The following CDH10 variants were observed in gnomAD, a reference collection of about 807,000 sequenced individuals.
CDH10 encodes the protein cadherin 10, also known as cadherin-10.
In CDH10, 30 loss-of-function variants were observed where a neutral mutation model predicts 73.1. The ratio of observed to expected loss-of-function variants is 0.41; its 90% CI spans 0.31 to 0.56. CDH10 has a LOEUF of 0.56. Among genes scored for constraint, CDH10 ranks in the 20% least tolerant of loss-of-function variants. CDH10 has a pLI of 0.27. For missense variants in CDH10, 815 were observed against 973.7 expected (o/e 0.84, Z 2.17); for synonymous variants, 345 against 348.2 (o/e 0.99, Z 0.10).
intron 2 of CDH10, among the ~76,000 whole-genome samples, chr5:24,549,638 G>A (rs1579793845): frequency 6.9e-6 from 1 of 145,892 alleles, no homozygotes; most frequent in South Asian, 2.2e-4. Flanking sequence ...TGCAACCTCC[G>A]CCTCCTGGGT....
chr5:24,589,894 C>T (rs1050608452), intron 2 of CDH10, among the ~76,000 whole-genome samples: 2 of 151,932 alleles, frequency 1.3e-5, no homozygotes, highest in Non-Finnish European at 2.9e-5. Flanking sequence ...GGTTTCACTA[C>T]GGAGGTAACA....
intron 2 of CDH10, among the ~76,000 whole-genome samples, chr5:24,558,460 T>C (rs1283226321): frequency 1.3e-5 from 2 of 151,726 alleles, no homozygotes; most frequent in Admixed American, 1.3e-4. Flanking sequence ...ATGAAAATCT[T>C]TTTTAAAAAT....
intron 1 of CDH10, among the ~76,000 whole-genome samples, chr5:24,624,433 T>G (rs1026797864): frequency 4.6e-5 from 7 of 152,074 alleles, no homozygotes; most frequent in African/African-American, 1.4e-4. Context: ...ATAGGAAAAT[T>G]TAATTCCCTC....
At chr5:24,631,026 T>C (rs890577997) in intron 1 of CDH10, among the ~76,000 whole-genome samples, 1 of 152,110 alleles carries the variant, frequency 6.6e-6, no homozygotes, top group East Asian at 1.9e-4. Context: ...CCTTCCTTGG[T>C]GGAAGTGGTA....
At position 24,600,605 on chromosome 5, in the gene CDH10, C is replaced by CGT. The variant is rs138388137; in HGVS notation, c.-123-6994_-123-6993dup. 1.4e-3 allele frequency among the ~76,000 whole-genome samples: 215 copies of CGT among 149,888 alleles called. 1 individual carries two copies. Among genetic ancestry groups the CGT allele is most frequent in the East Asian group, 2.4e-3 (12 of 5,102 alleles). On this transcript the variant is annotated intron_variant, in intron 1 of 11. Coordinates refer to ENST00000264463, the MANE Select transcript of CDH10 (RefSeq NM_006727.5). ...AGCAGAGCGTCGGTGTGCGTGCGTG[C>CGT]GTGTGTGTGTGTGTGTGTTCTGTAC... is the stretch of plus-strand genomic sequence containing the variant.
chr5:24,593,812 A>G (rs1172786607), intron 1 of CDH10, among the ~76,000 whole-genome samples, 199 bp from the exon 2 acceptor site: 1 of 151,946 alleles, frequency 6.6e-6, no homozygotes, highest in Non-Finnish European at 1.5e-5. Flanking sequence ...TATAATTGTA[A>G]ATGTTTATTT....
intron 1 of CDH10, among the ~76,000 whole-genome samples, chr5:24,617,867 T>C (rs1561198778): frequency 6.6e-6 from 1 of 152,182 alleles, no homozygotes; most frequent in South Asian, 2.1e-4. Flanking sequence ...TAAACCCAAT[T>C]GGTCATCTTG....
chr5:24,590,307 T>C (rs919416484), intron 2 of CDH10, among the ~76,000 whole-genome samples: 17 of 151,502 alleles, frequency 1.1e-4, no homozygotes, highest in Admixed American at 8.6e-4. Flanking sequence ...TAAATGAGTT[T>C]TTAAATACAC....
chr5:24,619,339 A>T (rs112729524), intron 1 of CDH10, among the ~76,000 whole-genome samples: 1 of 151,852 alleles, frequency 6.6e-6, no homozygotes, highest in African/African-American at 2.4e-5. Context: ...GACTACAGGC[A>T]CCCACCACCA....
chr5:24,502,606 A>T (rs1247970068), intron 8 of CDH10, among the ~76,000 whole-genome samples: 1 of 152,154 alleles, frequency 6.6e-6, no homozygotes, highest in African/African-American at 2.4e-5. Flanking sequence ...GATTGATTTT[A>T]TTTGAGGACA....
At chr5:24,632,342 CAAT>C (rs1561206558) in intron 1 of CDH10, among the ~76,000 whole-genome samples, 8 of 302 alleles carry the variant, frequency 0.026, no homozygotes, top group African/African-American at 0.087. Flanking sequence ...TACACCATTT[CAAT>C]TTCAATTTCT....
intron 1 of CDH10, among the ~76,000 whole-genome samples, chr5:24,596,271 C>A (rs200954572): frequency 1.3e-5 from 2 of 151,826 alleles, no homozygotes; most frequent in East Asian, 3.9e-4. Flanking sequence ...ACCCAAATTA[C>A]AGAATATCTT....
chr5:24,597,969 C>A (rs548765419), intron 1 of CDH10, among the ~76,000 whole-genome samples: 36 of 151,624 alleles, frequency 2.4e-4, no homozygotes, highest in African/African-American at 8.5e-4. Context: ...TAAGAGTAAT[C>A]GAAAATGCTA....
chr5:24,554,473 C>CGT lies in CDH10; in HGVS notation c.232-16801_232-16800dup, dbSNP rs70965612. On this transcript the variant is annotated intron_variant, in intron 2 of 11. Transcript: ENST00000264463. ...TTTCAAGTTGTTCTTTCTCCCTATT[C>CGT]GTGTGTGTGTGTGTGTGTGTGTGTG... 2.1e-3 allele frequency among the ~76,000 whole-genome samples: 308 copies of CGT among 149,402 alleles called. 2 individuals are homozygous for CGT. Among genetic ancestry groups the CGT allele is most frequent in the African/African-American group, 3.9e-3 (158 of 40,458 alleles).
intron 5 of CDH10, among the ~76,000 whole-genome samples, chr5:24,524,233 A>T (rs1561140269): frequency 6.6e-6 from 1 of 152,152 alleles, no homozygotes; most frequent in Non-Finnish European, 1.5e-5. Flanking sequence ...TATATTTTAA[A>T]TGTATGAAAC....
At chr5:24,640,611 A>G (rs1748017367) in intron 1 of CDH10, among the ~76,000 whole-genome samples, 2 of 151,780 alleles carry the variant, frequency 1.3e-5, no homozygotes, top group South Asian at 4.1e-4. Context: ...CAAACTCTCT[A>G]AGGATACGAA....
chr5:24,572,935 GA>G (rs55946839), intron 2 of CDH10, among the ~76,000 whole-genome samples: 1,391 of 72,092 alleles, frequency 0.019, 9 homozygotes, highest in African/African-American at 0.035. Context: ...CTTAGAAAAA[GA>G]AAAAAAAAAA....
chr5:24,541,041 T>C (rs1744136619), intron 2 of CDH10, among the ~76,000 whole-genome samples: 2 of 151,972 alleles, frequency 1.3e-5, no homozygotes, highest in African/African-American at 4.8e-5. Flanking sequence ...AGATCTGTTC[T>C]TCCTGTGGCC....
At chr5:24,558,774 G>A (rs1229620662) in intron 2 of CDH10, among the ~76,000 whole-genome samples, 2 of 151,718 alleles carry the variant, frequency 1.3e-5, no homozygotes, top group Non-Finnish European at 1.5e-5. Flanking sequence ...TTCAAGCAAC[G>A]TTTACAAAGC....
Sources: gnomAD v4.1 joint callset for allele counts (sites outside exome capture counted in the v4.1 genomes callset) on GRCh38, gnomAD v4.1.1 for gene constraint, MANE v1.5 for transcripts, NCBI Gene and HGNC (gene_info 2026-07-23, HGNC 2026-07-21) for gene names.